ZFP62: variants seen among roughly 807,000 people sequenced by gnomAD.
The protein encoded by ZFP62 is zinc finger protein 62 homolog.
A neutral mutation model predicts 56.4 loss-of-function variants in ZFP62; 44 were observed. The observed-to-expected ratio is 0.78, with a 90% CI of 0.61 to 1.00. The LOEUF (loss-of-function observed/expected upper bound fraction) is 1.00. Among genes scored for constraint, ZFP62 ranks in the 50% least tolerant of loss-of-function variants. ZFP62 has a pLI of 0.00. For missense variants in ZFP62, 1,030 were observed against 1,085.7 expected (o/e 0.95, Z 0.72); for synonymous variants, 421 against 388.9 (o/e 1.08, Z -0.97).
chr5:180,838,700 T>A, the ZFP62 span, among the ~76,000 whole-genome samples: 18,178 of 152,242 alleles, frequency 0.12, 1,157 homozygotes, highest in South Asian at 0.15. Context: ...AAGTTTAGAT[T>A]GTTTCAAAAT....
At chr5:180,852,833 C>T (rs1281111508) in intron 1 of ZFP62, among the ~76,000 whole-genome samples, 1 of 152,172 alleles carries the variant, frequency 6.6e-6, no homozygotes, top group Non-Finnish European at 1.5e-5. Context: ...TTAAATGGTC[C>T]TTAAACATTC....
the ZFP62 span, chr5:180,834,666 C>T: frequency 1.3e-5 from 2 of 151,880 alleles, no homozygotes. Flanking sequence ...CTATAGCAGC[C>T]CACTAGGAGA....
chr5:180,860,893 T>G (rs2170015), intron 1 of ZFP62, among the ~76,000 whole-genome samples: 57,962 of 151,946 alleles, frequency 0.38, 13,413 homozygotes, highest in Non-Finnish European at 0.52. Flanking sequence ...GGATGAATAG[T>G]TGAGGAACAC....
rs1302902264 is a variant in ZFP62, at chr5:180,861,246, G to A, written c.-27C>T. The A allele has an allele frequency of 1.8e-5, 7 of 397,706 alleles. No homozygotes were observed. Among genetic ancestry groups the A allele is most frequent in the Non-Finnish European group, 1.8e-5 (4 of 225,492 alleles). 24.6% of individuals were successfully genotyped at this position (397,706 alleles called of 1,614,324 possible). ...GCTGTGGCGGCGCCGCGGGAACCCG[G>A]CCGCCAGCGGGACAAAAGCGCGGAC... On this transcript the variant is annotated 5_prime_UTR_variant, in exon 1 of 2. Transcript: ENST00000502412.
chr5:180,843,402 A>G (rs1773353563), downstream of ZFP62, among the ~76,000 whole-genome samples: 1 of 152,180 alleles, frequency 6.6e-6, no homozygotes, highest in African/African-American at 2.4e-5. Flanking sequence ...ATCCTGTTAA[A>G]GTAAGTTATC....
rs189157831 is a variant in ZFP62 at position 180,852,340 on chromosome 5, G to A, written c.2-847C>T. Reference sequence around the variant, plus strand: ...TGAGAAGCTGAGGTGGGCGGATCACGAGGTCAAGAGATCGAGACCATCCTG... The same window carrying A: ...TGAGAAGCTGAGGTGGGCGGATCACAAGGTCAAGAGATCGAGACCATCCTG... On this transcript the variant is annotated intron_variant, in intron 1 of 1. Coordinates refer to ENST00000502412, the MANE Select transcript of ZFP62 (RefSeq NM_001172638.2). Among the ~76,000 whole-genome samples, 25 of 152,216 alleles carry A rather than the reference G, an allele frequency of 1.6e-4. No homozygotes were observed. In the East Asian group the frequency reaches 2.9e-3, roughly 18 times the overall value.
chr5:180,848,980 G>A lies in ZFP62; in HGVS notation c.2515C>T (p.Pro839Ser), dbSNP rs1554135926. ...TTACCACACTCATTACATCGGTATG[G>A]CTTCTTTCCAGTGTGGATCCTTTTG... ...QHKRIHTGKK[P>S]YRCNECGKAF... The change falls in exon 2 of 2, where the codon CCA (proline) becomes TCA (serine). Residue 839 changes from proline to serine, a missense_variant. Physicochemically the swap from Pro to Ser is moderately conservative, Grantham distance 74. Transcript: ENST00000502412. The A allele has an allele frequency of 6.4e-7, 1 of 1,551,690 alleles. No individual in the cohort carries two copies. Among genetic ancestry groups the A allele is most frequent in the South Asian group, 1.2e-5 (1 of 84,064 alleles).
Position 180,849,419 on chromosome 5 carries a change from C to T in ZFP62, c.2076G>A (p.Lys692=). ...YISHSSLINH[K]STHPGRTPHT... Reference sequence around the variant, plus strand: ...GGGGTGTCCTGCCAGGGTGGGTACTCTTATGGTTAATAAGGCTTGAGTGTG... The same window carrying T: ...GGGGTGTCCTGCCAGGGTGGGTACTTTTATGGTTAATAAGGCTTGAGTGTG... Residue 692 remains lysine, a synonymous_variant, in exon 2 of 2, where the codon AAG becomes AAA. Coordinates refer to ENST00000502412, the MANE Select transcript of ZFP62 (RefSeq NM_001172638.2). 1 of 1,550,912 alleles carries T rather than the reference C, an allele frequency of 6.4e-7. No homozygotes were observed.
chr5:180,842,868 C>G (rs1773343304), downstream of ZFP62, among the ~76,000 whole-genome samples: 1 of 151,536 alleles, frequency 6.6e-6, no homozygotes, highest in Non-Finnish European at 1.5e-5. Context: ...ACAGTGAAAC[C>G]CCCGTCTCTA....
chr5:180,837,102 C>A, the ZFP62 span, among the ~76,000 whole-genome samples: 1 of 152,154 alleles, frequency 6.6e-6, no homozygotes, highest in Non-Finnish European at 1.5e-5. Context: ...CAGGCTTATC[C>A]CAGTCTCTAT....
At chr5:180,861,189 G>A in intron 1 of ZFP62, 30 bp downstream of exon 1, 1 of 398,384 alleles carries the variant, frequency 2.5e-6, no homozygotes, top group East Asian at 3.6e-5. Context: ...GGCCGGGGGC[G>A]GGAGCGCGGG....
the ZFP62 span, chr5:180,829,869 T>C: frequency 6.6e-6 from 1 of 152,180 alleles, no homozygotes; most frequent in Non-Finnish European, 1.5e-5. Context: ...AGGCCCCAGC[T>C]CCTCATACAC....
chr5:180,852,787 C>T (rs1199749400), intron 1 of ZFP62, among the ~76,000 whole-genome samples: 1 of 152,128 alleles, frequency 6.6e-6, no homozygotes, highest in Non-Finnish European at 1.5e-5. Flanking sequence ...ACAAATCATA[C>T]AGGAAAACAG....
chr5:180,845,928 TAG>T (rs755768113), downstream of ZFP62: 351 of 932,816 alleles, frequency 3.8e-4, 1 homozygote, highest in South Asian at 1.8e-3. Context: ...AATTTGCTAA[TAG>T]AGACATGCAC....
At chr5:180,840,378 C>A in the ZFP62 span, among the ~76,000 whole-genome samples, 9 of 152,124 alleles carry the variant, frequency 5.9e-5, no homozygotes, top group Non-Finnish European at 8.8e-5. Flanking sequence ...CAGCCAGTTT[C>A]CAGACAAGAT....
rs1161947987 is a variant in ZFP62, at chr5:180,851,538, A to AC, written c.2-46_2-45insG. 2.7e-6 allele frequency: 4 copies of AC among 1,466,630 alleles called. No individual in the cohort carries two copies. In the African/African-American group the frequency reaches 5.7e-5, roughly 21 times the overall value. 90.9% of individuals were successfully genotyped at this position (1,466,630 alleles called of 1,614,324 possible). On this transcript the variant is annotated intron_variant, in intron 1 of 1. Transcript: ENST00000502412. ...AGGACACCTATTCACTCTCTTAAAA[A>AC]AAAACAAAAACAAACTGGAATAACA...
At chr5:180,829,618 ATAGT>A in the ZFP62 span, among the ~76,000 whole-genome samples, 3 of 152,246 alleles carry the variant, frequency 2.0e-5, no homozygotes, top group Non-Finnish European at 4.4e-5. Context: ...GGTTCCCCCG[ATAGT>A]TCTATCTAAA....
intron 1 of ZFP62, among the ~76,000 whole-genome samples, chr5:180,859,645 G>A (rs1377091423): frequency 6.6e-6 from 1 of 152,188 alleles, no homozygotes; most frequent in Non-Finnish European, 1.5e-5. Flanking sequence ...TACTAAAAGG[G>A]AGGCTGATTT....
Position 180,848,477 on chromosome 5 carries a change from G to A in ZFP62, c.*315C>T. ...GATGGTGATTACGTAACTTCTAATT[G>A]AAGCCCTTTCCTCATCTGTGTTTTA... On this transcript the variant is annotated 3_prime_UTR_variant, in exon 2 of 2. Transcript: ENST00000502412. 5 of 1,065,198 alleles carry A rather than the reference G, an allele frequency of 4.7e-6. No individual in the cohort carries two copies. Among genetic ancestry groups the A allele is most frequent in the Non-Finnish European group, 5.7e-6 (5 of 881,478 alleles). The allele number at this position is 1,065,198 out of a possible 1,614,324, so 66.0% of individuals were successfully genotyped here.
Sources: allele counts gnomAD v4.1 joint callset (sites outside exome capture counted in the v4.1 genomes callset), GRCh38; gene constraint gnomAD v4.1.1; transcripts MANE v1.5; gene names NCBI Gene and HGNC (gene_info 2026-07-23, HGNC 2026-07-21).